HIPK2: variants seen among roughly 807,000 people sequenced by gnomAD.
HIPK2 encodes the protein homeodomain-interacting protein kinase 2.
In HIPK2, 27 loss-of-function variants were observed where a neutral mutation model predicts 113.7. The ratio of observed to expected loss-of-function variants is 0.24; its 90% confidence interval spans 0.17 to 0.33. HIPK2 has a LOEUF of 0.33. Among genes scored for constraint, HIPK2 ranks in the 10% least tolerant of loss-of-function variants. The pLI is 1.00. For missense variants in HIPK2, 1,257 were observed against 1,588.0 expected, an observed-to-expected ratio of 0.79 and a Z score of 3.54; for synonymous variants, 631 against 642.2, an observed-to-expected ratio of 0.98 and a Z score of 0.26.
intron 12 of HIPK2, among the ~76,000 whole-genome samples, chr7:139,593,428 G>A (rs1799092569): frequency 6.6e-6 from 1 of 152,244 alleles, no homozygotes; most frequent in Admixed American, 6.5e-5. Flanking sequence ...TACGAGTGGA[G>A]CTGCTGGCCA....
In HIPK2 at chr7:139,716,185, G is replaced by C; in HGVS notation, c.850C>G (p.Leu284Val). ...CLVFEMLEQN[L>V]YDFLKQNKFS... The stretch of plus-strand genomic sequence containing the variant: ...TTGTTTTGCTTCAGAAAGTCATAGA[G>C]GTTCTGCTCCAACATCTCGAAGACC... Residue 284 changes from leucine (L) to valine (V), a missense_variant, in exon 2 of 15, where the codon CTC (leucine) becomes GTC (valine). This residue lies in a region of HIPK2 where 78 missense variants were observed against 145.7 expected (regional missense o/e 0.54). Transcript: ENST00000406875. The surrounding 1 kb of genome is among the most constrained non-coding windows in gnomAD (Gnocchi z 9.3). 6.2e-7 allele frequency: 1 copy of C among 1,614,042 alleles called. No homozygotes were observed.
At position 139,562,210 on chromosome 7, in the gene HIPK2, A is replaced by G. The variant is rs1262249925; in HGVS notation, c.*10717T>C. The G allele has an allele frequency of 6.6e-6, 1 of 152,244 alleles. No individual in the cohort carries two copies. The highest frequency in any genetic ancestry group is 1.5e-5 in the Non-Finnish European group (1 of 68,038). 9.4% of individuals were successfully genotyped at this position (152,244 alleles called of 1,614,324 possible). A position where few individuals can be genotyped will look rare whatever the true frequency, so the allele number is the denominator to read the frequency against. On this transcript the variant is annotated 3_prime_UTR_variant, in exon 15 of 15. Transcript: ENST00000406875. ...GCACGCAATAATTTTCACACAGATT[A>G]ACATGGATTAACACTTTTTATTACA...
intron 1 of HIPK2, among the ~76,000 whole-genome samples, chr7:139,731,172 A>C (rs1266153146): frequency 6.6e-6 from 1 of 152,228 alleles, no homozygotes; most frequent in Non-Finnish European, 1.5e-5. Flanking sequence ...TCTGTACTCA[A>C]GCTATGATAA....
intron 2 of HIPK2, among the ~76,000 whole-genome samples, chr7:139,712,619 T>A (rs1585408554): frequency 6.6e-6 from 1 of 152,362 alleles, no homozygotes; most frequent in East Asian, 1.9e-4. Context: ...TCCCTCACGA[T>A]GCAGATGCAG....
intron 2 of HIPK2, among the ~76,000 whole-genome samples, chr7:139,682,875 C>G (rs1485314975): frequency 6.6e-6 from 1 of 152,186 alleles, no homozygotes; most frequent in African/African-American, 2.4e-5. Context: ...ATGCTTCTGG[C>G]CCCTCTTGCC....
At chr7:139,589,716 C>A (rs371424927) in intron 12 of HIPK2, among the ~76,000 whole-genome samples, 2 of 152,244 alleles carry the variant, frequency 1.3e-5, no homozygotes, top group East Asian at 3.9e-4. Flanking sequence ...TGATGGAAAC[C>A]CAACAGGTAG....
At chr7:139,627,140 G>A (rs1349769860) in intron 5 of HIPK2, among the ~76,000 whole-genome samples, 1 of 152,192 alleles carries the variant, frequency 6.6e-6, no homozygotes, top group Non-Finnish European at 1.5e-5. Flanking sequence ...AAGATGAAAA[G>A]AGTTCTGGAG....
intron 2 of HIPK2, among the ~76,000 whole-genome samples, chr7:139,709,897 CCTCT>C (rs1323196030): frequency 6.6e-6 from 1 of 152,124 alleles, no homozygotes; most frequent in Non-Finnish European, 1.5e-5. Flanking sequence ...AAAGCTATTC[CCTCT>C]AAGTCAATTC....
At chr7:139,719,488 C>T (rs571838706) in intron 1 of HIPK2, among the ~76,000 whole-genome samples, 4 of 152,270 alleles carry the variant, frequency 2.6e-5, no homozygotes, top group East Asian at 1.9e-4. Context: ...CAGTTTAAGC[C>T]GTCACCTCTG....
At chr7:139,763,869 C>T (rs1046292355) in intron 1 of HIPK2, among the ~76,000 whole-genome samples, 2 of 152,238 alleles carry the variant, frequency 1.3e-5, no homozygotes, top group African/African-American at 4.8e-5. Context: ...CTCTGCCTTC[C>T]TGTTTCAGCT....
rs1469930273 is a variant in HIPK2 at position 139,671,462 on chromosome 7, G to A, written c.1104-39737C>T. Among the ~76,000 whole-genome samples, 9 of 152,180 alleles carry A rather than the reference G, an allele frequency of 5.9e-5. No individual in the cohort carries two copies. The East Asian group carries it at 1.7e-3, about 29-fold the overall frequency. ...TGAGTCTCCATAAACACTGCTGAATGTAGATCAGAAAATTGAAGATGATTA... is the reference window on the plus strand; with the variant it reads ...TGAGTCTCCATAAACACTGCTGAATATAGATCAGAAAATTGAAGATGATTA... On this transcript the variant is annotated intron_variant, in intron 2 of 14. Coordinates refer to ENST00000406875, the MANE Select transcript of HIPK2 (RefSeq NM_022740.5).
rs981233666 is a variant in HIPK2, at chr7:139,656,962, C to T, written c.1104-25237G>A. 9.2e-5 allele frequency among the ~76,000 whole-genome samples: 14 copies of T among 152,144 alleles called. 1 individual carries two copies. Among genetic ancestry groups the T allele is most frequent in the African/African-American group, 3.4e-4 (14 of 41,434 alleles). On this transcript the variant is annotated intron_variant, in intron 2 of 14. Transcript: ENST00000406875. ...CTCGGCTCACTGCAACCTCCACCTC[C>T]CGGATTCAAGTGATTCTCCTGCCTC...
chr7:139,641,379 A>AAAT (rs1313024318), intron 2 of HIPK2, among the ~76,000 whole-genome samples: 1 of 151,996 alleles, frequency 6.6e-6, no homozygotes, highest in African/African-American at 2.4e-5. Flanking sequence ...AAAAAAAAAA[A>AAAT]AAAAAAGGAA....
chr7:139,750,604 A>G (rs748495410), intron 1 of HIPK2, among the ~76,000 whole-genome samples: 10 of 152,364 alleles, frequency 6.6e-5, no homozygotes, highest in South Asian at 2.1e-4. Flanking sequence ...TCAAACCAGT[A>G]GAAGGATAAG....
At chr7:139,689,266 T>C (rs9692080) in intron 2 of HIPK2, among the ~76,000 whole-genome samples, 52,519 of 151,990 alleles carry the variant, frequency 0.35, 10,617 homozygotes, top group Non-Finnish European at 0.45. Flanking sequence ...AAAGCGGTCA[T>C]ATTTTGTTGG....
chr7:139,696,533 C>T (rs1036546958), intron 2 of HIPK2, among the ~76,000 whole-genome samples: 38 of 151,014 alleles, frequency 2.5e-4, no homozygotes, highest in African/African-American at 7.8e-4. Context: ...CAGTGAGCTG[C>T]GAGTGCACCA....
rs146113098 is a variant in HIPK2 at position 139,577,415 on chromosome 7, G to T, written c.2966-2127C>A. 9.9e-4 allele frequency among the ~76,000 whole-genome samples: 151 copies of T among 152,198 alleles called. 1 individual carries two copies. Among genetic ancestry groups the T allele is most frequent in the African/African-American group, 3.6e-3 (149 of 41,534 alleles). ...ATCCACCTGCCCTTGGCCTCCCAAA[G>T]TGCTGGGATTACAGGCGTGAGCCAC... is the stretch of plus-strand genomic sequence containing the variant. On this transcript the variant is annotated intron_variant, in intron 13 of 14. Transcript: ENST00000406875.
chr7:139,564,342 T>G lies in HIPK2; in HGVS notation c.*8585A>C, dbSNP rs1798031490. On this transcript the variant is annotated 3_prime_UTR_variant, in exon 15 of 15. Coordinates refer to ENST00000406875, the MANE Select transcript of HIPK2 (RefSeq NM_022740.5). Reference sequence around the variant, plus strand: ...TAGCAGCTGTGCCTTCATGGTCACCTGAATCCCAGTCTCTTCTACTGCCTG... The same window carrying G: ...TAGCAGCTGTGCCTTCATGGTCACCGGAATCCCAGTCTCTTCTACTGCCTG... 6.0e-6 allele frequency: 1 copy of G among 166,202 alleles called. No homozygotes were observed. The highest frequency in any genetic ancestry group is 1.3e-5 in the Non-Finnish European group (1 of 77,478). The allele number at this position is 166,202 out of a possible 1,614,324, so 10.3% of individuals were successfully genotyped here.
At chr7:139,709,439 C>T (rs1794999632) in intron 2 of HIPK2, among the ~76,000 whole-genome samples, 1 of 152,224 alleles carries the variant, frequency 6.6e-6, no homozygotes, top group Non-Finnish European at 1.5e-5. Context: ...CTTTATAAAG[C>T]TATGCCCCTT....
Sources: allele counts gnomAD v4.1 joint callset (sites outside exome capture counted in the v4.1 genomes callset), GRCh38; gene constraint gnomAD v4.1.1; regional missense constraint gnomAD v4.1.1; non-coding constraint Gnocchi (gnomAD v3.1); transcripts MANE v1.5; gene names NCBI Gene and HGNC (gene_info 2026-07-23, HGNC 2026-07-21).